The following SIMC1 variants were observed in gnomAD, a reference collection of about 807,000 sequenced individuals.
The protein encoded by SIMC1 is SUMO interacting motifs containing 1.
SIMC1 carries 55 observed loss-of-function variants against 82.3 expected under a neutral mutation model. That is an observed-to-expected ratio of 0.67 (90% CI 0.54 to 0.84). The LOEUF (loss-of-function observed/expected upper bound fraction) is 0.84. SIMC1 is among the 40% of genes least tolerant of loss of function. SIMC1 has a pLI of 0.00. For synonymous variants in SIMC1, 353 were observed against 426.3 expected, an observed-to-expected ratio of 0.83 and a Z score of 2.12; for missense variants, 915 against 1,107.2, an observed-to-expected ratio of 0.83 and a Z score of 2.46.
rs571638118 is a variant in SIMC1 at position 176,339,101 on chromosome 5, C to T, written c.2413+1955C>T. Among the ~76,000 whole-genome samples, 58 of 152,260 alleles carry T rather than the reference C, an allele frequency of 3.8e-4. No individual in the cohort carries two copies. The East Asian group carries it at 4.2e-3, about 11-fold the overall frequency. ...ATTGTCGGCCAGGCATGGTGGCTCA[C>T]GCCTGTAATCCCAGCACTTTGGGAG... On this transcript the variant is annotated intron_variant, in intron 9 of 9. Transcript: ENST00000429602.
chr5:176,323,865 G>A (rs1257165433), intron 6 of SIMC1, among the ~76,000 whole-genome samples: 1 of 152,118 alleles, frequency 6.6e-6, no homozygotes, highest in Non-Finnish European at 1.5e-5. Flanking sequence ...GCGGGCACCT[G>A]TAGTCCCAGC....
intron 9 of SIMC1, among the ~76,000 whole-genome samples, chr5:176,340,629 CT>C (rs1766095771): frequency 6.6e-6 from 1 of 152,196 alleles, no homozygotes; most frequent in African/African-American, 2.4e-5. Flanking sequence ...ACTGAATGTC[CT>C]CTCTGTCCTC....
chr5:176,324,404 G>T (rs1418823300), intron 6 of SIMC1, among the ~76,000 whole-genome samples: 1 of 152,166 alleles, frequency 6.6e-6, no homozygotes, highest in Non-Finnish European at 1.5e-5. Context: ...CCCAGGTTCT[G>T]AGAGGTTCAA....
chr5:176,308,527 C>G, intron 4 of SIMC1: 1 of 1,604,884 alleles, frequency 6.2e-7, no homozygotes, highest in Non-Finnish European at 8.5e-7. Context: ...CTTATTTTTT[C>G]CTGTTTCATA....
In SIMC1 at chr5:176,263,758, A is replaced by T. The variant is rs552293656; in HGVS notation, c.129+25121A>T. 8.1e-4 allele frequency among the ~76,000 whole-genome samples: 123 copies of T among 152,336 alleles called. 4 individuals carry two copies. In the South Asian group the frequency reaches 0.025, roughly 31 times the overall value. ...TCATATCCTTCTCACATTGCAAAAT[A>T]TAATCATCCCTTCCCAATAATTTCC... On this transcript the variant is annotated intron_variant, in intron 1 of 9. Coordinates refer to ENST00000429602, the MANE Select transcript of SIMC1 (RefSeq NM_001308195.2).
rs1173030195 is a variant in SIMC1, at chr5:176,291,159, C to CTTT, written c.1431+224_1431+226dup. 9.7e-3 allele frequency among the ~76,000 whole-genome samples: 861 copies of CTTT among 88,422 alleles called. 22 individuals carry two copies. The highest frequency in any genetic ancestry group is 0.012 in the Non-Finnish European group (572 of 48,248). The allele number at this position is 88,422 out of a possible 152,430, so 58.0% of individuals were successfully genotyped here. A position where few individuals can be genotyped will look rare whatever the true frequency, so the allele number is the denominator to read the frequency against. ...CCCACGCTTAAAAACTGTCACTTTA[C>CTTT]TTTTTTTTTTTTTTTTTTTTTTGAG... is the stretch of plus-strand genomic sequence containing the variant. On this transcript the variant is annotated intron_variant, in intron 2 of 9. Coordinates refer to ENST00000429602, the MANE Select transcript of SIMC1 (RefSeq NM_001308195.2).
chr5:176,289,214 T>C (rs552922353), intron 1 of SIMC1, among the ~76,000 whole-genome samples: 35 of 152,216 alleles, frequency 2.3e-4, no homozygotes, highest in Non-Finnish European at 4.4e-4. Flanking sequence ...GCCTACCTTA[T>C]CAGGTCATTG....
intron 1 of SIMC1, among the ~76,000 whole-genome samples, chr5:176,259,446 T>C (rs1761945369): frequency 6.7e-6 from 1 of 149,142 alleles, no homozygotes; most frequent in Non-Finnish European, 1.5e-5. Flanking sequence ...CGAGACTCCA[T>C]CTGGAAAAAA....
chr5:176,334,828 C>T (rs955863725), intron 7 of SIMC1, among the ~76,000 whole-genome samples: 4 of 152,168 alleles, frequency 2.6e-5, no homozygotes, highest in Non-Finnish European at 4.4e-5. Flanking sequence ...CACAGTGGCT[C>T]ATGCCTATAA....
At chr5:176,287,000 A>G (rs1351685854) in intron 1 of SIMC1, among the ~76,000 whole-genome samples, 3 of 151,960 alleles carry the variant, frequency 2.0e-5, no homozygotes, top group Admixed American at 6.6e-5. Context: ...AGAGGATGTG[A>G]AGAAATAGGA....
chr5:176,321,396 TC>T (rs111242856), intron 5 of SIMC1, among the ~76,000 whole-genome samples: 4 of 151,154 alleles, frequency 2.6e-5, no homozygotes, highest in African/African-American at 9.7e-5. Flanking sequence ...TGAGCCGAGA[TC>T]GCACCACTGC....
At chr5:176,276,676 C>T (rs557019433) in intron 1 of SIMC1, among the ~76,000 whole-genome samples, 1 of 144,348 alleles carries the variant, frequency 6.9e-6, no homozygotes, top group Non-Finnish European at 1.5e-5. Flanking sequence ...CAATTCCCAC[C>T]TATGAGTGAG....
At chr5:176,277,580 A>T (rs1223275293) in intron 1 of SIMC1, among the ~76,000 whole-genome samples, 3 of 152,026 alleles carry the variant, frequency 2.0e-5, no homozygotes, top group Non-Finnish European at 4.4e-5. Flanking sequence ...TTATAGTTTT[A>T]GGTCTAACGT....
At chr5:176,285,331 A>G (rs1400137535) in intron 1 of SIMC1, among the ~76,000 whole-genome samples, 1 of 152,242 alleles carries the variant, frequency 6.6e-6, no homozygotes, top group Non-Finnish European at 1.5e-5. Flanking sequence ...GGCTGGTTCA[A>G]TATACAGAAA....
intron 1 of SIMC1, among the ~76,000 whole-genome samples, chr5:176,286,854 T>G (rs1286415644): frequency 6.6e-6 from 1 of 152,248 alleles, no homozygotes; most frequent in African/African-American, 2.4e-5. Context: ...AAGACATTTA[T>G]GCAGCCAACA....
At chr5:176,324,818 G>T in intron 7 of SIMC1, 61 bp downstream of exon 7, 5 of 1,482,644 alleles carry the variant, frequency 3.4e-6, no homozygotes, top group Non-Finnish European at 4.5e-6. Flanking sequence ...AAAACTCTTG[G>T]AAATCATTTT....
intron 4 of SIMC1, among the ~76,000 whole-genome samples, chr5:176,310,739 T>C (rs1022017820): frequency 6.6e-6 from 1 of 152,192 alleles, no homozygotes; most frequent in East Asian, 1.9e-4. Flanking sequence ...ATGATTATGA[T>C]GTTGATTATA....
intron 1 of SIMC1, among the ~76,000 whole-genome samples, chr5:176,251,698 C>G (rs1406526095): frequency 1.3e-5 from 2 of 151,318 alleles, no homozygotes; most frequent in African/African-American, 4.9e-5. Flanking sequence ...GAACAAAGGT[C>G]TCTGGTTCTC....
rs969111346 is a variant in SIMC1 at position 176,240,321 on chromosome 5, T to C, written c.129+1684T>C. Among the ~76,000 whole-genome samples, 7 of 109,250 alleles carry C rather than the reference T, an allele frequency of 6.4e-5. 2 individuals carry two copies. Among genetic ancestry groups the C allele is most frequent in the Non-Finnish European group, 1.4e-4 (7 of 49,044 alleles). The allele number at this position is 109,250 out of a possible 152,430, so 71.7% of individuals were successfully genotyped here. A position where few individuals can be genotyped will look rare whatever the true frequency, so the allele number is the denominator to read the frequency against. ...TTTAACTTTGTCCTTCCCACTTGCT[T>C]CCTTTCCTCCCAAGTGTTGTCCATT... On this transcript the variant is annotated intron_variant, in intron 1 of 9. Coordinates refer to ENST00000429602, the MANE Select transcript of SIMC1 (RefSeq NM_001308195.2).
Sources: gnomAD v4.1 joint callset for allele counts (sites outside exome capture counted in the v4.1 genomes callset) on GRCh38, gnomAD v4.1.1 for gene constraint, MANE v1.5 for transcripts, NCBI Gene and HGNC (gene_info 2026-07-23, HGNC 2026-07-21) for gene names.